The following ZNF804B variants were observed in gnomAD, a reference collection of about 807,000 sequenced individuals.
ZNF804B encodes the protein zinc finger 804B.
Under a neutral mutation model 101.4 loss-of-function variants are expected in ZNF804B, and 80 were observed. The ratio of observed to expected loss-of-function variants is 0.79; its 90% CI spans 0.66 to 0.95. ZNF804B has a LOEUF of 0.95. Among genes scored for constraint, ZNF804B ranks in the 40% least tolerant of loss-of-function variants. The pLI is 0.00. For synonymous variants in ZNF804B, 622 were observed against 558.8 expected, an observed-to-expected ratio of 1.11 and a Z score of -1.59; for missense variants, 1,673 against 1,561.9, an observed-to-expected ratio of 1.07 and a Z score of -1.20.
chr7:88,798,464 G>A (rs1286167160), intron 1 of ZNF804B, among the ~76,000 whole-genome samples: 1 of 152,056 alleles, frequency 6.6e-6, no homozygotes, highest in African/African-American at 2.4e-5. Flanking sequence ...TAGAGACAAT[G>A]TTGCATGGTT....
intron 2 of ZNF804B, among the ~76,000 whole-genome samples, chr7:89,288,213 A>T (rs1015013846): frequency 6.6e-6 from 1 of 152,148 alleles, no homozygotes; most frequent in East Asian, 1.9e-4. Flanking sequence ...GTTTATTGTG[A>T]CGCATAAAGA....
intron 1 of ZNF804B, among the ~76,000 whole-genome samples, chr7:89,167,738 A>G (rs190100498): frequency 6.6e-6 from 1 of 152,278 alleles, no homozygotes; most frequent in Admixed American, 6.5e-5. Context: ...ACTGCAAATT[A>G]TGGTAGCTAT....
In ZNF804B at chr7:89,175,399, T is replaced by A. The variant is rs187792501; in HGVS notation, c.109-42756T>A. Among the ~76,000 whole-genome samples the A allele has an allele frequency of 9.1e-4, 138 of 152,154 alleles. 1 individual carries two copies. The highest frequency in any genetic ancestry group is 3.1e-3 in the African/African-American group (129 of 41,556). On this transcript the variant is annotated intron_variant, in intron 1 of 3. Coordinates refer to ENST00000333190, the MANE Select transcript of ZNF804B (RefSeq NM_181646.5). ...GAGTTCATTGTAGATGTAGGGATAT[T>A]TTTTTCCGGGTGCTCCATTCTATTT...
chr7:88,868,813 A>G (rs939337211), intron 1 of ZNF804B, among the ~76,000 whole-genome samples: 1 of 152,228 alleles, frequency 6.6e-6, no homozygotes, highest in Non-Finnish European at 1.5e-5. Context: ...TAGCTTTGAA[A>G]TGCTAGTTTG....
At chr7:88,815,307 C>T (rs1583954047) in intron 1 of ZNF804B, among the ~76,000 whole-genome samples, 1 of 149,138 alleles carries the variant, frequency 6.7e-6, no homozygotes, top group Non-Finnish European at 1.5e-5. Flanking sequence ...CAAAATATAA[C>T]TTGGACAAAA....
chr7:88,916,965 T>C (rs532605181), intron 1 of ZNF804B, among the ~76,000 whole-genome samples: 2 of 152,076 alleles, frequency 1.3e-5, no homozygotes, highest in East Asian at 3.9e-4. Context: ...ATAATGTGTT[T>C]CAAAAAAATT....
At chr7:89,085,601 T>C (rs1382364180) in intron 1 of ZNF804B, among the ~76,000 whole-genome samples, 2 of 152,016 alleles carry the variant, frequency 1.3e-5, no homozygotes, top group East Asian at 3.9e-4. Context: ...ACACTCTATA[T>C]GCCACTCAAA....
At chr7:89,152,807 C>T (rs531653214) in intron 1 of ZNF804B, among the ~76,000 whole-genome samples, 1 of 152,166 alleles carries the variant, frequency 6.6e-6, no homozygotes, top group East Asian at 1.9e-4. Flanking sequence ...CATCTTTGTG[C>T]ATAACCTGCG....
chr7:89,176,591 C>CTTTTTTTTTTTCTTTTTTTT (rs1791325770), intron 1 of ZNF804B, among the ~76,000 whole-genome samples: 1 of 71,942 alleles, frequency 1.4e-5, no homozygotes, highest in Non-Finnish European at 2.7e-5. Context: ...TTCTTTCTTT[C>CTTTTTTTTTTTCTTTTTTTT]TTTTTTTTTT....
chr7:88,817,147 C>T (rs1248239818), intron 1 of ZNF804B, among the ~76,000 whole-genome samples: 1 of 152,138 alleles, frequency 6.6e-6, no homozygotes, highest in Non-Finnish European at 1.5e-5. Context: ...AAACCAAGTA[C>T]CGCATGTTCT....
chr7:89,315,516 A>G (rs1790711442), intron 2 of ZNF804B, among the ~76,000 whole-genome samples: 1 of 152,154 alleles, frequency 6.6e-6, no homozygotes, highest in East Asian at 1.9e-4. Flanking sequence ...GATACATCCA[A>G]GAAGAGAAGA....
chr7:89,070,010 T>C (rs1033689704), intron 1 of ZNF804B, among the ~76,000 whole-genome samples: 2 of 152,136 alleles, frequency 1.3e-5, no homozygotes, highest in African/African-American at 2.4e-5. Flanking sequence ...GCAAAATTAT[T>C]GTGTCTAAAG....
At chr7:89,086,919 CATGTATACAT>C (rs1403047369) in intron 1 of ZNF804B, among the ~76,000 whole-genome samples, 1 of 151,764 alleles carries the variant, frequency 6.6e-6, no homozygotes, top group Non-Finnish European at 1.5e-5. Context: ...CAACATGGCA[CATGTATACAT>C]ATGTAACAAA....
At chr7:89,152,817 G>C (rs979984442) in intron 1 of ZNF804B, among the ~76,000 whole-genome samples, 1 of 151,856 alleles carries the variant, frequency 6.6e-6, no homozygotes, top group East Asian at 1.9e-4. Context: ...CATAACCTGC[G>C]CATATGCTGG....
At chr7:89,212,420 A>G (rs1456210976) in intron 1 of ZNF804B, among the ~76,000 whole-genome samples, 3 of 152,162 alleles carry the variant, frequency 2.0e-5, no homozygotes, top group Non-Finnish European at 4.4e-5. Flanking sequence ...CAGAAGTTTG[A>G]TAACATGTAT....
intron 1 of ZNF804B, among the ~76,000 whole-genome samples, chr7:88,847,387 T>A (rs1000815222): frequency 2.0e-5 from 3 of 152,068 alleles, no homozygotes; most frequent in African/African-American, 2.4e-5. Context: ...ATCCGTTTTT[T>A]AAAAAATATA....
chr7:89,309,699 A>G (rs38938), intron 2 of ZNF804B, among the ~76,000 whole-genome samples: 77,687 of 147,294 alleles, frequency 0.53, 20,810 homozygotes, highest in East Asian at 0.8. Context: ...GGCGGAGGTT[A>G]CAATGAGCCG....
intron 1 of ZNF804B, among the ~76,000 whole-genome samples, chr7:89,207,723 G>T (rs1004067882): frequency 2.6e-5 from 4 of 152,002 alleles, no homozygotes; most frequent in Non-Finnish European, 5.9e-5. Context: ...CTCCCCTTTA[G>T]CATATTAAAT....
At chr7:89,195,890 C>A (rs1420966967) in intron 1 of ZNF804B, among the ~76,000 whole-genome samples, 1 of 63,930 alleles carries the variant, frequency 1.6e-5, no homozygotes, top group South Asian at 4.3e-4. Flanking sequence ...AACCACTGCT[C>A]AAAAAATCAG....
Sources: gnomAD v4.1 joint callset for allele counts (sites outside exome capture counted in the v4.1 genomes callset) on GRCh38, gnomAD v4.1.1 for gene constraint, MANE v1.5 for transcripts, NCBI Gene and HGNC (gene_info 2026-07-23, HGNC 2026-07-21) for gene names.